The following ZNF654 variants were observed in gnomAD, a reference collection of about 807,000 sequenced individuals.
ZNF654 encodes melanoma-associated antigen.
In ZNF654, 19 loss-of-function variants were observed where a neutral mutation model predicts 95.3. The observed-to-expected ratio is 0.20, with a 90% CI of 0.14 to 0.29. The LOEUF (loss-of-function observed/expected upper bound fraction) is 0.29, where lower values mean the gene tolerates loss of function less well. ZNF654 is among the 10% of genes least tolerant of loss of function. ZNF654 has a pLI of 1.00. For missense variants in ZNF654, 1,046 were observed against 1,341.0 expected, an observed-to-expected ratio of 0.78 and a Z score of 3.44; for synonymous variants, 413 against 457.9, an observed-to-expected ratio of 0.90 and a Z score of 1.25.
chr3:88,126,052 A>C (rs1287848637), intron 3 of ZNF654, 82 bp from the exon 4 acceptor site: 1 of 1,299,960 alleles, frequency 7.7e-7, no homozygotes, highest in African/African-American at 1.5e-5. Context: ...ACTGGCCATC[A>C]GTCATTTTAT....
intron 1 of ZNF654, among the ~76,000 whole-genome samples, chr3:88,064,662 AG>A (rs1707094979): frequency 6.6e-6 from 1 of 152,194 alleles, no homozygotes; most frequent in Admixed American, 6.5e-5. Flanking sequence ...CTGTTAAGCC[AG>A]TTACCACCCA....
chr3:88,126,031 A>C (rs1706080034), intron 3 of ZNF654, 103 bp from the exon 4 acceptor site: 1 of 1,192,056 alleles, frequency 8.4e-7, no homozygotes, highest in Admixed American at 3.0e-5. Context: ...TTATAATTTA[A>C]TAGCTGCCTC....
chr3:88,117,150 G>A (rs942639041), intron 3 of ZNF654, among the ~76,000 whole-genome samples: 40 of 152,092 alleles, frequency 2.6e-4, no homozygotes, highest in Admixed American at 6.5e-4. Flanking sequence ...GTACAGTGAA[G>A]GCAATTAGCA....
intron 2 of ZNF654, among the ~76,000 whole-genome samples, chr3:88,110,171 A>G (rs1156411556): frequency 6.6e-6 from 1 of 152,146 alleles, no homozygotes; most frequent in African/African-American, 2.4e-5. Context: ...GGTAGTTACT[A>G]TTATTGTGTT....
intron 3 of ZNF654, among the ~76,000 whole-genome samples, chr3:88,119,522 C>G: frequency 6.6e-6 from 1 of 150,424 alleles, no homozygotes; most frequent in South Asian, 2.1e-4. Context: ...GCACGTGTAC[C>G]CTAAAACTTA....
chr3:88,114,874 C>T (rs907111017), intron 3 of ZNF654, among the ~76,000 whole-genome samples: 3 of 152,192 alleles, frequency 2.0e-5, no homozygotes, highest in Non-Finnish European at 4.4e-5. Context: ...AGGCTTTTGA[C>T]TGACACTGAT....
In ZNF654 at chr3:88,141,983, G is replaced by T; in HGVS notation, c.*331G>T. The T allele has an allele frequency of 4.6e-6, 1 of 215,400 alleles. No homozygotes were observed. 13.3% of individuals were successfully genotyped at this position (215,400 alleles called of 1,614,324 possible). ...TCAGAAAACCAGCTATGGCCTTACA[G>T]AAAGGGAAAAATTAACCCATTATTA... On this transcript the variant is annotated 3_prime_UTR_variant, in exon 9 of 9. Transcript: ENST00000636215.
At chr3:88,141,088 G>A (rs1399176478) in intron 8 of ZNF654, 40 bp downstream of exon 8, 2 of 1,531,598 alleles carry the variant, frequency 1.3e-6, no homozygotes, top group African/African-American at 1.4e-5. Flanking sequence ...TCTGTAGAAA[G>A]AGAAAATGGC....
intron 3 of ZNF654, among the ~76,000 whole-genome samples, chr3:88,119,387 G>C (rs1359678422): frequency 6.7e-5 from 1 of 14,886 alleles, no homozygotes; most frequent in Non-Finnish European, 3.0e-4. Context: ...GACTGTTGTG[G>C]GGTGGGGGGA....
At chr3:88,064,345 T>C (rs141109323) in intron 1 of ZNF654, among the ~76,000 whole-genome samples, 1 of 152,206 alleles carries the variant, frequency 6.6e-6, no homozygotes, top group Non-Finnish European at 1.5e-5. Flanking sequence ...CTATTGAGCA[T>C]GTTCACTATG....
rs566647398 is a variant in ZNF654, at chr3:88,131,329, T to C, written c.893+1503T>C. ...GTTACACTGCGTATAACTGTAGTTTTTGAAGTATTATCATTTTTTGACATG... is the reference window on the plus strand; with the variant it reads ...GTTACACTGCGTATAACTGTAGTTTCTGAAGTATTATCATTTTTTGACATG... On this transcript the variant is annotated intron_variant, in intron 6 of 8. Coordinates refer to ENST00000636215, the MANE Select transcript of ZNF654 (RefSeq NM_001350134.2). 1.0e-3 allele frequency among the ~76,000 whole-genome samples: 152 copies of C among 152,344 alleles called. 1 individual carries two copies. The highest frequency in any genetic ancestry group is 1.8e-3 in the Non-Finnish European group (124 of 68,032).
chr3:88,089,255 G>T (rs9310070), intron 2 of ZNF654, among the ~76,000 whole-genome samples: 114,269 of 146,322 alleles, frequency 0.78, 45,547 homozygotes, highest in South Asian at 0.91. Context: ...ACTTTGGGAG[G>T]CCGAGGCGGG....
At chr3:88,122,022 A>T (rs1408385725) in intron 3 of ZNF654, among the ~76,000 whole-genome samples, 1 of 152,184 alleles carries the variant, frequency 6.6e-6, no homozygotes, top group Admixed American at 6.6e-5. Flanking sequence ...ACCTAAGAAG[A>T]TGTCAACACT....
At chr3:88,122,355 T>TAATCCTATTA (rs1317143400) in intron 3 of ZNF654, among the ~76,000 whole-genome samples, 3 of 152,190 alleles carry the variant, frequency 2.0e-5, no homozygotes, top group African/African-American at 4.8e-5. Context: ...ATTAAAGTGG[T>TAATCCTATTA]AAGACTTTCA....
chr3:88,059,479 C>A lies in ZNF654; in HGVS notation c.160C>A (p.Arg54=), dbSNP rs1395034348. 2 of 1,514,040 alleles carry A rather than the reference C, an allele frequency of 1.3e-6. No homozygotes were observed. The highest frequency in any genetic ancestry group is 1.2e-5 in the South Asian group (1 of 81,346). 93.8% of individuals were successfully genotyped at this position (1,514,040 alleles called of 1,614,324 possible). The change falls in exon 1 of 9, where the codon CGG becomes AGG. Residue 54 remains arginine (R), a synonymous_variant. Transcript: ENST00000636215. ...CGGCGGCGGCGTCGGAATCAGCAGT[C>A]GGGATTACTGCCGACGCTTCTGTCA... ...NCGGGVGISS[R]DYCRRFCQVV...
intron 2 of ZNF654, among the ~76,000 whole-genome samples, chr3:88,087,915 T>A (rs1381635943): frequency 6.6e-6 from 1 of 152,176 alleles, no homozygotes; most frequent in African/African-American, 2.4e-5. Flanking sequence ...TTCGAAACTC[T>A]TTGAGTGCTA....
intron 1 of ZNF654, among the ~76,000 whole-genome samples, chr3:88,083,868 C>CT (rs1187688756): frequency 6.6e-6 from 1 of 151,644 alleles, no homozygotes; most frequent in Non-Finnish European, 1.5e-5. Flanking sequence ...CACAGATTAG[C>CT]TGAGTGCGTA....
At chr3:88,083,945 A>C (rs1439620721) in intron 1 of ZNF654, among the ~76,000 whole-genome samples, 1 of 4,768 alleles carries the variant, frequency 2.1e-4, no homozygotes, top group African/African-American at 2.7e-4. Flanking sequence ...CTTATTTTAT[A>C]TATATATATA....
rs377604926 is a variant in ZNF654, at chr3:88,140,665, C to T, written c.2996C>T (p.Thr999Ile). ...VSSDPALKID[T>I]NRIRTENGSI... ...TCAGATCCTGCTTTGAAAATTGATA[C>T]AAACAGAATCAGGACAGAAAATGGT... Residue 999 changes from threonine to isoleucine, a missense_variant, in exon 8 of 9, where the codon ACA (threonine) becomes ATA (isoleucine). Around this residue, in one of 9 missense-constraint regions of ZNF654, gnomAD observed 495 missense variants for 537.0 expected, o/e 0.92. Transcript: ENST00000636215. 73 of 1,613,564 alleles carry T rather than the reference C, an allele frequency of 4.5e-5. No individual in the cohort carries two copies. The highest frequency in any genetic ancestry group is 5.8e-5 in the Non-Finnish European group (69 of 1,179,736).
Sources: allele counts gnomAD v4.1 joint callset (sites outside exome capture counted in the v4.1 genomes callset), GRCh38; gene constraint gnomAD v4.1.1; regional missense constraint gnomAD v4.1.1; transcripts MANE v1.5; gene names NCBI Gene and HGNC (gene_info 2026-07-23, HGNC 2026-07-21).